Variants in DCLK2 observed in about 807,000 individuals in gnomAD.
DCLK2 encodes doublecortin like kinase 2, also known as serine/threonine-protein kinase DCLK2.
Under a neutral mutation model 78.4 loss-of-function variants are expected in DCLK2, and 31 were observed. The observed-to-expected ratio is 0.40, with a 90% CI of 0.30 to 0.53. The LOEUF (loss-of-function observed/expected upper bound fraction) is 0.53, where lower values mean the gene tolerates loss of function less well. Ranked by LOEUF, DCLK2 falls within the 20% of genes least tolerant of loss-of-function variation. DCLK2 has a pLI of 0.61. For synonymous variants in DCLK2, 407 were observed against 374.9 expected, an observed-to-expected ratio of 1.09 and a Z score of -0.99; for missense variants, 872 against 973.7, an observed-to-expected ratio of 0.90 and a Z score of 1.39.
intron 2 of DCLK2, among the ~76,000 whole-genome samples, chr4:150,125,822 C>G (rs1216531569): frequency 6.6e-6 from 1 of 151,744 alleles, no homozygotes; most frequent in African/African-American, 2.4e-5. Context: ...ACCCGGGAGG[C>G]GGAGGTTGCA....
chr4:150,147,774 A>G (rs1194492759), intron 2 of DCLK2, among the ~76,000 whole-genome samples: 3 of 152,240 alleles, frequency 2.0e-5, no homozygotes, highest in Non-Finnish European at 4.4e-5. Flanking sequence ...ACTCCATGGC[A>G]TCTCCAGTTT....
chr4:150,230,241 A>G (rs1741936680), intron 8 of DCLK2, among the ~76,000 whole-genome samples: 1 of 152,212 alleles, frequency 6.6e-6, no homozygotes, highest in Non-Finnish European at 1.5e-5. Flanking sequence ...AAGTTCCACA[A>G]TGTATCCCAG....
intron 2 of DCLK2, among the ~76,000 whole-genome samples, chr4:150,172,607 C>CA (rs34267089): frequency 0.049 from 3,427 of 70,002 alleles, 158 homozygotes; most frequent in African/African-American, 0.12. Flanking sequence ...GACTCCGTCT[C>CA]AAAAAAAAAA....
intron 12 of DCLK2, among the ~76,000 whole-genome samples, chr4:150,245,796 T>C (rs1253170158): frequency 6.6e-6 from 1 of 152,188 alleles, no homozygotes; most frequent in African/African-American, 2.4e-5. Context: ...GGAACACTTT[T>C]ACACTGTTGG....
At chr4:150,127,860 A>C (rs1733028739) in intron 2 of DCLK2, among the ~76,000 whole-genome samples, 1 of 152,196 alleles carries the variant, frequency 6.6e-6, no homozygotes, top group Admixed American at 6.5e-5. Flanking sequence ...TCATTATAGA[A>C]CATTAGCCTC....
At chr4:150,148,893 C>T (rs1031096968) in intron 2 of DCLK2, among the ~76,000 whole-genome samples, 1 of 151,522 alleles carries the variant, frequency 6.6e-6, no homozygotes, top group East Asian at 1.9e-4. Flanking sequence ...ATTAGCCAGG[C>T]GTGGTGGTGC....
At chr4:150,079,915 C>T (rs536064225) in intron 1 of DCLK2, among the ~76,000 whole-genome samples, 4 of 152,236 alleles carry the variant, frequency 2.6e-5, no homozygotes, top group African/African-American at 9.6e-5. Context: ...TCTAGGTTGG[C>T]TTTCCTAGTT....
chr4:150,132,646 A>G (rs563244157), intron 2 of DCLK2, among the ~76,000 whole-genome samples: 1 of 152,218 alleles, frequency 6.6e-6, no homozygotes, highest in Admixed American at 6.5e-5. Context: ...GTGCAGTGTC[A>G]CCATCATGGG....
chr4:150,149,475 C>T (rs1006742124), intron 2 of DCLK2, among the ~76,000 whole-genome samples: 20 of 152,058 alleles, frequency 1.3e-4, no homozygotes, highest in African/African-American at 4.6e-4. Flanking sequence ...TGTCCTTCAG[C>T]CAGGATGTTT....
chr4:150,144,122 T>G (rs1734295028), intron 2 of DCLK2, among the ~76,000 whole-genome samples: 1 of 152,202 alleles, frequency 6.6e-6, no homozygotes, highest in African/African-American at 2.4e-5. Flanking sequence ...TAATATTTGT[T>G]GGCATCAGAA....
At position 150,204,618 on chromosome 4, in the gene DCLK2, A is replaced by G. The variant is rs147625022; in HGVS notation, c.1056+729A>G. 1.8e-3 allele frequency among the ~76,000 whole-genome samples: 270 copies of G among 152,314 alleles called. 3 individuals are homozygous for G. Among genetic ancestry groups the G allele is most frequent in the African/African-American group, 6.2e-3 (257 of 41,578 alleles). On this transcript the variant is annotated intron_variant, in intron 5 of 15. Coordinates refer to ENST00000296550, the MANE Select transcript of DCLK2 (RefSeq NM_001040260.4). ...CTAAAGATGGAATTTCCAGCCAGACATGATGGCTCACGCCTGTAATCCCAG... is the reference window on the plus strand; with the variant it reads ...CTAAAGATGGAATTTCCAGCCAGACGTGATGGCTCACGCCTGTAATCCCAG...
intron 2 of DCLK2, among the ~76,000 whole-genome samples, chr4:150,190,888 TAG>T (rs1386298323): frequency 6.6e-6 from 1 of 151,990 alleles, no homozygotes; most frequent in African/African-American, 2.4e-5. Flanking sequence ...GCCCAGGAGT[TAG>T]AGAGCAGCCT....
intron 3 of DCLK2, among the ~76,000 whole-genome samples, 158 bp from the exon 4 acceptor site, chr4:150,197,844 C>G (rs1371696204): frequency 6.6e-6 from 1 of 151,698 alleles, no homozygotes; most frequent in African/African-American, 2.4e-5. Flanking sequence ...AAGGTAAACT[C>G]AGGTGTACTT....
At chr4:150,111,861 A>G (rs1030786053) in intron 2 of DCLK2, among the ~76,000 whole-genome samples, 1 of 152,098 alleles carries the variant, frequency 6.6e-6, no homozygotes, top group African/African-American at 2.4e-5. Flanking sequence ...CTGATTTGCT[A>G]ACTGTAGCCT....
At chr4:150,252,190 G>T (rs945524650) in intron 15 of DCLK2, among the ~76,000 whole-genome samples, 2 of 152,230 alleles carry the variant, frequency 1.3e-5, no homozygotes, top group Non-Finnish European at 2.9e-5. Flanking sequence ...CGATTCCCTT[G>T]CGAGAGCTAG....
intron 3 of DCLK2, among the ~76,000 whole-genome samples, chr4:150,193,731 G>A (rs1401326119): frequency 6.6e-6 from 1 of 152,010 alleles, no homozygotes; most frequent in East Asian, 1.9e-4. Flanking sequence ...CAACCTCACT[G>A]GGTTTTTTTT....
chr4:150,135,912 A>G (rs2150205220), intron 2 of DCLK2, among the ~76,000 whole-genome samples: 1 of 152,360 alleles, frequency 6.6e-6, no homozygotes, highest in Admixed American at 6.5e-5. Flanking sequence ...GATGGAAACC[A>G]TGGACTTATT....
intron 10 of DCLK2, among the ~76,000 whole-genome samples, chr4:150,235,228 T>A (rs945768590): frequency 6.6e-6 from 1 of 152,170 alleles, no homozygotes; most frequent in African/African-American, 2.4e-5. Flanking sequence ...CAGATCTCAC[T>A]CTCACCTCCT....
At chr4:150,136,918 C>A (rs531380734) in intron 2 of DCLK2, among the ~76,000 whole-genome samples, 1 of 151,590 alleles carries the variant, frequency 6.6e-6, no homozygotes, top group Non-Finnish European at 1.5e-5. Flanking sequence ...TCATGGAGAA[C>A]CTAGCATATA....
Sources: allele counts gnomAD v4.1 joint callset (sites outside exome capture counted in the v4.1 genomes callset), GRCh38; gene constraint gnomAD v4.1.1; transcripts MANE v1.5; gene names NCBI Gene and HGNC (gene_info 2026-07-23, HGNC 2026-07-21).